SMTN: variants seen among roughly 807,000 people sequenced by gnomAD.
SMTN encodes smoothelin.
Under a neutral mutation model 102.0 loss-of-function variants are expected in SMTN, and 58 were observed. The observed-to-expected ratio is 0.57, with a 90% CI of 0.46 to 0.71. The LOEUF (loss-of-function observed/expected upper bound fraction) is 0.71, where lower values mean the gene tolerates loss of function less well. Among genes scored for constraint, SMTN ranks in the 30% least tolerant of loss-of-function variants. SMTN has a pLI of 0.00. For missense variants in SMTN, 1,185 were observed against 1,241.7 expected (o/e 0.95, Z 0.69); for synonymous variants, 478 against 497.9 (o/e 0.96, Z 0.53).
chr22:31,098,889 A>T, intron 17 of SMTN, 49 bp downstream of exon 17: 8 of 1,219,366 alleles, frequency 6.6e-6, no homozygotes, highest in Non-Finnish European at 9.4e-6. Flanking sequence ...CGTGATAGGC[A>T]GTGGGGGGCG....
chr22:31,068,969 A>C (rs1017867313), intron 1 of SMTN, among the ~76,000 whole-genome samples: 3 of 152,256 alleles, frequency 2.0e-5, no homozygotes, highest in Non-Finnish European at 4.4e-5. Flanking sequence ...GGGAGAAGAA[A>C]GCAAAGGCAG....
intron 1 of SMTN, among the ~76,000 whole-genome samples, chr22:31,068,772 C>CA (rs2041925959): frequency 6.6e-6 from 1 of 152,108 alleles, no homozygotes; most frequent in Non-Finnish European, 1.5e-5. Flanking sequence ...AGACAAACAA[C>CA]AAAAAAATTA....
Position 31,096,817 on chromosome 22 carries a change from C to T in SMTN, c.1946C>T (p.Thr649Ile). 1 of 1,574,734 alleles carries T rather than the reference C, an allele frequency of 6.4e-7. No homozygotes were observed. Among genetic ancestry groups the T allele is most frequent in the Non-Finnish European group, 8.6e-7 (1 of 1,159,608 alleles). The part of the protein sequence containing the change: ...GEGRGNTATE[T>I]TTRHSQRAAD... ...GGGCGCGGCAACACAGCCACTGAGA[C>T]CACCACGAGGCACAGCCAGCGGGCA... The change falls in exon 14 of 21, where the codon ACC becomes ATC. Residue 649 changes from threonine (T) to isoleucine (I), a missense_variant. Transcript: ENST00000333137.
intron 1 of SMTN, among the ~76,000 whole-genome samples, chr22:31,074,732 G>A (rs11704170): frequency 0.03 from 4,643 of 152,268 alleles, 108 homozygotes; most frequent in Middle Eastern, 0.092. Context: ...AGGAAGCGGA[G>A]GTTGCAGTGA....
At chr22:31,090,209 G>A in intron 8 of SMTN, 29 bp downstream of exon 8, 2 of 1,565,022 alleles carry the variant, frequency 1.3e-6, no homozygotes, top group Non-Finnish European at 1.7e-6. Flanking sequence ...GTAGTCACAG[G>A]CATCTTTCTT....
At position 31,089,953 on chromosome 22, in the gene SMTN, G is replaced by T; in HGVS notation, c.726G>T (p.Lys242Asn). The T allele has an allele frequency of 6.2e-7, 1 of 1,600,038 alleles. No individual in the cohort carries two copies. Among genetic ancestry groups the T allele is most frequent in the South Asian group, 1.1e-5 (1 of 89,434 alleles). Residue 242 changes from lysine (K) to asparagine (N), a missense_variant, in exon 7 of 21, where the codon AAG becomes AAT. By Grantham distance (94) the Lys-to-Asn change is moderately conservative. Coordinates refer to ENST00000333137, the MANE Select transcript of SMTN (RefSeq NM_134269.3). ...GSPEPPPSPP[K>N]TTSPEPQESP... ...CAGAGCCACCCCCCAGCCCACCCAA[G>T]ACCACCAGCCCTGAGCCTCAGGAGT...
At chr22:31,081,737 A>G (rs140928928) in intron 1 of SMTN, among the ~76,000 whole-genome samples, 3 of 152,294 alleles carry the variant, frequency 2.0e-5, no homozygotes, top group Non-Finnish European at 4.4e-5. Flanking sequence ...GCGACCCCAG[A>G]CTGTGTGACA....
intron 1 of SMTN, among the ~76,000 whole-genome samples, chr22:31,072,651 A>G (rs1408779838): frequency 6.6e-6 from 1 of 151,988 alleles, no homozygotes; most frequent in African/African-American, 2.4e-5. Flanking sequence ...TAGTACAGAC[A>G]GGGTTTCACC....
upstream of SMTN, among the ~76,000 whole-genome samples, chr22:31,081,051 G>GC (rs964001382): frequency 4.2e-4 from 63 of 151,426 alleles, no homozygotes; most frequent in East Asian, 2.5e-3. Context: ...GGCTCGGGGC[G>GC]CCCCCCCCGA....
intron 20 of SMTN, chr22:31,104,069 C>G (rs1483874557): frequency 7.6e-6 from 4 of 526,654 alleles, no homozygotes; most frequent in Non-Finnish European, 1.0e-5. Flanking sequence ...ACCTGCCTGA[C>G]TGGGATGGGG....
In SMTN at chr22:31,104,425, C is replaced by T. The variant is rs115440473; in HGVS notation, c.*130C>T. On this transcript the variant is annotated 3_prime_UTR_variant, in exon 21 of 21. Transcript: ENST00000333137. ...CTATGTGCAGTCGCTCTACAACCAC[C>T]TGCGACGCCACGAACTGCGCCTGCG... The T allele has an allele frequency of 1.9e-5, 31 of 1,614,156 alleles. No homozygotes were observed. The highest frequency in any genetic ancestry group is 2.5e-5 in the Non-Finnish European group (30 of 1,180,018).
At chr22:31,083,087 C>T (rs1469022153) in intron 1 of SMTN, 92 bp from the exon 2 acceptor site, 1 of 1,514,416 alleles carries the variant, frequency 6.6e-7, no homozygotes, top group African/African-American at 1.4e-5. Context: ...AATGGACGCT[C>T]CTAGGTTAGA....
At chr22:31,091,536 C>T in intron 10 of SMTN, 54 bp downstream of exon 10, 1 of 1,510,656 alleles carries the variant, frequency 6.6e-7, no homozygotes, top group East Asian at 2.3e-5. Flanking sequence ...AACCGCACTT[C>T]TGCATGCAGG....
chr22:31,064,441 G>C (rs1212595708), intron 1 of SMTN: 7 of 152,200 alleles, frequency 4.6e-5, no homozygotes, highest in African/African-American at 1.7e-4. Context: ...TGGTAATGGA[G>C]AAGATAGCAT....
chr22:31,083,068 TG>T, intron 1 of SMTN, 110 bp from the exon 2 acceptor site: 1 of 1,470,736 alleles, frequency 6.8e-7, no homozygotes, highest in Non-Finnish European at 9.3e-7. Context: ...CATTATAGGA[TG>T]GGACAGTAAT....
rs754110313 is a variant in SMTN, at chr22:31,104,474, G to T, written c.*179G>T. ...CGCGGCAAGAATGTCTAGCCTGCCC[G>T]CCCGCATGGCCAGCCAGTGGCAAGC... On this transcript the variant is annotated 3_prime_UTR_variant, in exon 21 of 21. Coordinates refer to ENST00000333137, the MANE Select transcript of SMTN (RefSeq NM_134269.3). The T allele has an allele frequency of 2.5e-6, 4 of 1,611,026 alleles. No homozygotes were observed. The highest frequency in any genetic ancestry group is 3.4e-6 in the Non-Finnish European group (4 of 1,179,652).
chr22:31,079,612 T>A (rs2042218207), upstream of SMTN, among the ~76,000 whole-genome samples: 3 of 152,350 alleles, frequency 2.0e-5, 1 homozygote, highest in South Asian at 6.2e-4. Context: ...AGAATTGGTC[T>A]TAGAGGGCGC....
At chr22:31,093,969 G>A in intron 11 of SMTN, 1 of 854,326 alleles carries the variant, frequency 1.2e-6, no homozygotes, top group South Asian at 1.7e-5. Context: ...CTGAGCCTCA[G>A]TTTATCTATC....
At chr22:31,069,587 A>C (rs114086825) in intron 1 of SMTN, among the ~76,000 whole-genome samples, 1,882 of 152,312 alleles carry the variant, frequency 0.012, 34 homozygotes, top group African/African-American at 0.041. Flanking sequence ...GCCTAGAGGT[A>C]GGGACGAGGG....
Sources: gnomAD v4.1 joint callset for allele counts (sites outside exome capture counted in the v4.1 genomes callset) on GRCh38, gnomAD v4.1.1 for gene constraint, MANE v1.5 for transcripts, NCBI Gene and HGNC (gene_info 2026-07-23, HGNC 2026-07-21) for gene names.